DPYSL3: variants seen among roughly 807,000 people sequenced by gnomAD.
DPYSL3 encodes dihydropyrimidinase like 3.
In DPYSL3, 16 loss-of-function variants were observed where a neutral mutation model predicts 66.1. The observed-to-expected ratio is 0.24, with a 90% CI of 0.16 to 0.37. The LOEUF is 0.37. Ranked by LOEUF, DPYSL3 falls within the 10% of genes least tolerant of loss-of-function variation. DPYSL3 has a pLI of 1.00. For synonymous variants in DPYSL3, 338 were observed against 345.1 expected, an observed-to-expected ratio of 0.98 and a Z score of 0.23; for missense variants, 738 against 916.2, an observed-to-expected ratio of 0.81 and a Z score of 2.51.
intron 1 of DPYSL3, among the ~76,000 whole-genome samples, chr5:147,508,470 CCTAGACAAGGGTGAGGGCAT>C (rs1753711591): frequency 6.6e-6 from 1 of 152,132 alleles, no homozygotes; most frequent in Non-Finnish European, 1.5e-5. Context: ...GCGGCCATTA[CCTAGACAAGGGTGAGGGCAT>C]CTGATTATTA....
At chr5:147,478,848 G>A (rs779527430) in intron 1 of DPYSL3, among the ~76,000 whole-genome samples, 1 of 152,130 alleles carries the variant, frequency 6.6e-6, no homozygotes, top group Non-Finnish European at 1.5e-5. Flanking sequence ...ATACTGTACT[G>A]TAAGTGTGTC....
intron 1 of DPYSL3, chr5:147,453,446 G>A (rs1413643227): frequency 2.1e-6 from 3 of 1,403,586 alleles, no homozygotes; most frequent in Admixed American, 5.8e-5. Flanking sequence ...TCCCTCCCCG[G>A]GGACCAGGCC....
intron 1 of DPYSL3, among the ~76,000 whole-genome samples, chr5:147,503,441 G>A (rs951879148): frequency 6.6e-5 from 10 of 152,094 alleles, no homozygotes; most frequent in African/African-American, 2.4e-4. Flanking sequence ...CCACAGTCGT[G>A]CACCACCATG....
At chr5:147,448,706 C>A (rs1752672744) in intron 1 of DPYSL3, among the ~76,000 whole-genome samples, 1 of 152,176 alleles carries the variant, frequency 6.6e-6, no homozygotes, top group South Asian at 2.1e-4. Context: ...GACTTGAATT[C>A]TCTCAGGAAA....
chr5:147,433,379 C>G (rs1378568551), intron 1 of DPYSL3, among the ~76,000 whole-genome samples: 2 of 152,074 alleles, frequency 1.3e-5, no homozygotes, highest in Non-Finnish European at 2.9e-5. Context: ...AACAGGAAAC[C>G]AGATATGGGT....
intron 2 of DPYSL3, among the ~76,000 whole-genome samples, chr5:147,422,669 C>T (rs921041039): frequency 1.3e-5 from 2 of 151,712 alleles, no homozygotes; most frequent in Non-Finnish European, 2.9e-5. Context: ...TACTATGCAG[C>T]CATAAAAAAA....
intron 1 of DPYSL3, among the ~76,000 whole-genome samples, chr5:147,438,496 T>C (rs921901340): frequency 1.3e-5 from 2 of 152,222 alleles, no homozygotes; most frequent in African/African-American, 2.4e-5. Context: ...AGGCACCTCC[T>C]GGAATGTATT....
At chr5:147,494,077 C>T (rs1333013427) in intron 1 of DPYSL3, among the ~76,000 whole-genome samples, 2 of 152,060 alleles carry the variant, frequency 1.3e-5, no homozygotes, top group East Asian at 1.9e-4. Context: ...CCTGTAATCC[C>T]AGCTACTCGG....
chr5:147,430,310 A>G (rs1023036180), intron 1 of DPYSL3, among the ~76,000 whole-genome samples: 3 of 152,076 alleles, frequency 2.0e-5, no homozygotes, highest in African/African-American at 7.2e-5. Flanking sequence ...AGCCTGGCCA[A>G]CATGGTGAAA....
At chr5:147,413,701 T>C in intron 4 of DPYSL3, 44 bp from the exon 5 acceptor site, 2 of 1,496,180 alleles carry the variant, frequency 1.3e-6, no homozygotes, top group South Asian at 2.3e-5. Context: ...AAGACAACAT[T>C]ATCATGACTG....
chr5:147,394,227 G>T, intron 13 of DPYSL3, 104 bp from the exon 14 acceptor site: 1 of 1,165,600 alleles, frequency 8.6e-7, no homozygotes, highest in Non-Finnish European at 1.2e-6. Flanking sequence ...TGCAAGATAT[G>T]AAGTGCCTTG....
intron 12 of DPYSL3, among the ~76,000 whole-genome samples, chr5:147,397,156 ATG>A (rs1190268382): frequency 6.5e-5 from 3 of 46,482 alleles, no homozygotes; most frequent in East Asian, 9.6e-4. Flanking sequence ...ATTTGCACAC[ATG>A]TATGTATCTA....
At chr5:147,469,341 G>T (rs903512267) in intron 1 of DPYSL3, among the ~76,000 whole-genome samples, 1 of 152,196 alleles carries the variant, frequency 6.6e-6, no homozygotes, top group Non-Finnish European at 1.5e-5. Context: ...GCTCAGAAAT[G>T]GAATCCAACT....
chr5:147,443,283 T>C (rs1350318011), intron 1 of DPYSL3, among the ~76,000 whole-genome samples: 1 of 152,228 alleles, frequency 6.6e-6, no homozygotes, highest in Non-Finnish European at 1.5e-5. Flanking sequence ...ATATACACCA[T>C]GGAATACTAT....
chr5:147,501,397 C>T (rs1488008443), intron 1 of DPYSL3, among the ~76,000 whole-genome samples: 1 of 149,926 alleles, frequency 6.7e-6, no homozygotes, highest in Non-Finnish European at 1.5e-5. Context: ...AGATACTTGT[C>T]ATTGTATGTT....
Position 147,393,021 on chromosome 5 carries a change from TG to T in DPYSL3, c.*1013del, listed in dbSNP as rs1561767735. 1 of 152,184 alleles carries T rather than the reference TG, an allele frequency of 6.6e-6. No homozygotes were observed. The highest frequency in any genetic ancestry group is 1.5e-5 in the Non-Finnish European group (1 of 68,038). The allele number at this position is 152,184 out of a possible 1,614,324, so 9.4% of individuals were successfully genotyped here. On this transcript the variant is annotated 3_prime_UTR_variant, in exon 14 of 14. Coordinates refer to ENST00000343218, the MANE Select transcript of DPYSL3 (RefSeq NM_001197294.2). ...TCGAGAGAATCAAACACAAACTGCC[TG>T]TAAGAGAGGCCCTTCATTCTGCCTC...
chr5:147,395,442 C>A (rs1757939107), intron 13 of DPYSL3, 117 bp downstream of exon 13: 3 of 1,270,276 alleles, frequency 2.4e-6, no homozygotes, highest in Non-Finnish European at 2.2e-6. Flanking sequence ...AAAGTTGACA[C>A]CAGTGCTAGG....
chr5:147,488,553 C>T (rs1430172484), intron 1 of DPYSL3, among the ~76,000 whole-genome samples: 2 of 151,420 alleles, frequency 1.3e-5, no homozygotes, highest in African/African-American at 4.9e-5. Context: ...CCCATCTCTA[C>T]AAAAATTTTA....
chr5:147,496,670 C>A (rs1753516732), intron 1 of DPYSL3, among the ~76,000 whole-genome samples: 1 of 152,154 alleles, frequency 6.6e-6, no homozygotes, highest in Non-Finnish European at 1.5e-5. Context: ...CACTGGCCAT[C>A]AGAAAAATGC....
Sources: allele counts gnomAD v4.1 joint callset (sites outside exome capture counted in the v4.1 genomes callset), GRCh38; gene constraint gnomAD v4.1.1; transcripts MANE v1.5; gene names NCBI Gene and HGNC (gene_info 2026-07-23, HGNC 2026-07-21).